The following ASTN1 variants were observed in gnomAD, a reference collection of about 807,000 sequenced individuals.
ASTN1 encodes astrotactin 1, also known as astrotactin-1.
A neutral mutation model predicts 140.7 loss-of-function variants in ASTN1; 41 were observed. The ratio of observed to expected loss-of-function variants is 0.29; its 90% CI spans 0.23 to 0.38. The LOEUF is 0.38. ASTN1 is among the 10% of genes least tolerant of loss of function. The pLI, the probability that ASTN1 is intolerant of heterozygous loss-of-function variation, is 1.00. For synonymous variants in ASTN1, 640 were observed against 652.2 expected (o/e 0.98, Z 0.29); for missense variants, 1,479 against 1,678.8 (o/e 0.88, Z 2.08).
chr1:177,043,415 C>T (rs962222459), intron 2 of ASTN1, among the ~76,000 whole-genome samples: 8 of 152,228 alleles, frequency 5.3e-5, no homozygotes, highest in South Asian at 2.1e-4. Context: ...AGAAAGCCCA[C>T]GGGCCATGTT....
chr1:176,931,594 G>C (rs1557968954), intron 16 of ASTN1, among the ~76,000 whole-genome samples: 1 of 152,236 alleles, frequency 6.6e-6, no homozygotes, highest in Non-Finnish European at 1.5e-5. Flanking sequence ...ATAAGTGCCT[G>C]TTAAATGGGA....
At chr1:177,009,919 T>C (rs937100820) in intron 8 of ASTN1, among the ~76,000 whole-genome samples, 3 of 152,204 alleles carry the variant, frequency 2.0e-5, no homozygotes, top group South Asian at 2.1e-4. Context: ...TTGCCCTCTG[T>C]ATCTGAGATG....
At position 177,023,459 on chromosome 1, in the gene ASTN1, G is replaced by T. The variant is rs138735448; in HGVS notation, c.1383C>A (p.Asp461Glu). 13 of 1,609,884 alleles carry T rather than the reference G, an allele frequency of 8.1e-6. No individual in the cohort carries two copies. Among genetic ancestry groups the T allele is most frequent in the Non-Finnish European group, 1.1e-5 (13 of 1,178,354 alleles). The change falls in exon 7 of 23, where the codon GAC (aspartate) becomes GAA (glutamate). Residue 461 changes from aspartate to glutamate, a missense_variant. Coordinates refer to ENST00000361833, the MANE Select transcript of ASTN1 (RefSeq NM_004319.3). ...QQNSSGPWAM[D>E]LCARRLLDPC... ...GGTCCAGGAGCCGCCGGGCACAGAGGTCCATGGCCCAGGGTCCGCTGGAGT... is the reference window on the plus strand; with the variant it reads ...GGTCCAGGAGCCGCCGGGCACAGAGTTCCATGGCCCAGGGTCCGCTGGAGT...
intron 3 of ASTN1, among the ~76,000 whole-genome samples, chr1:177,031,883 T>A (rs1365559530): frequency 6.6e-6 from 1 of 152,168 alleles, no homozygotes; most frequent in Non-Finnish European, 1.5e-5. Flanking sequence ...CCAGTCAGTG[T>A]CTCCATAGAT....
rs1008207314 is a variant in ASTN1, at chr1:177,038,526, G to T, written c.472-5677C>A. Among the ~76,000 whole-genome samples the T allele has an allele frequency of 1.3e-5, 2 of 152,050 alleles. 1 individual carries two copies. Among genetic ancestry groups the T allele is most frequent in the Non-Finnish European group, 2.9e-5 (2 of 67,980 alleles). Reference sequence around the variant, plus strand: ...GGAGGGAAGCAAAGAGGGAGGAAGAGAAGGAAGAAAAAAGGAAGAAAAGGA... The same window carrying T: ...GGAGGGAAGCAAAGAGGGAGGAAGATAAGGAAGAAAAAAGGAAGAAAAGGA... On this transcript the variant is annotated intron_variant, in intron 2 of 22. Transcript: ENST00000361833.
At chr1:177,023,007 T>C (rs1057361925) in intron 7 of ASTN1, among the ~76,000 whole-genome samples, 1 of 152,214 alleles carries the variant, frequency 6.6e-6, no homozygotes, top group Admixed American at 6.5e-5. Flanking sequence ...ATCCAGGAGA[T>C]AGAAATATTG....
intron 8 of ASTN1, among the ~76,000 whole-genome samples, chr1:177,013,332 C>G (rs760498876): frequency 5.9e-5 from 9 of 152,154 alleles, no homozygotes; most frequent in Non-Finnish European, 1.0e-4. Context: ...TTCTCTTGTC[C>G]TTATCCCCCA....
At chr1:176,881,608 C>G (rs570245202) in intron 20 of ASTN1, among the ~76,000 whole-genome samples, 28 of 146,510 alleles carry the variant, frequency 1.9e-4, no homozygotes, top group African/African-American at 4.9e-4. Flanking sequence ...CACAACTGCC[C>G]CCTATCAAAA....
intron 20 of ASTN1, among the ~76,000 whole-genome samples, chr1:176,879,035 T>C (rs1375173034): frequency 6.6e-6 from 1 of 152,192 alleles, no homozygotes; most frequent in Non-Finnish European, 1.5e-5. Context: ...GTTCTGGCTA[T>C]CAGTTCTCAT....
At chr1:177,088,239 C>T (rs1679572587) in intron 1 of ASTN1, among the ~76,000 whole-genome samples, 1 of 152,298 alleles carries the variant, frequency 6.6e-6, no homozygotes, top group South Asian at 2.1e-4. Flanking sequence ...CCACCTTACA[C>T]GTGGGGATGC....
chr1:176,896,973 C>T (rs1302005339), intron 16 of ASTN1, among the ~76,000 whole-genome samples: 1 of 152,140 alleles, frequency 6.6e-6, no homozygotes, highest in Non-Finnish European at 1.5e-5. Flanking sequence ...GCAAACTCTA[C>T]TTCATTAAGA....
Position 176,864,134 on chromosome 1 carries a change from A to G in ASTN1, c.*150T>C, listed in dbSNP as rs1387045969. On this transcript the variant is annotated 3_prime_UTR_variant, in exon 23 of 23. Transcript: ENST00000361833. The stretch of plus-strand genomic sequence containing the variant: ...GAACATCATACTGAAGAAGTTCTGC[A>G]GGGAGCAAGGATCACTTTCTCCCTG... 1 of 1,482,614 alleles carries G rather than the reference A, an allele frequency of 6.7e-7. No individual in the cohort carries two copies. Among genetic ancestry groups the G allele is most frequent in the Non-Finnish European group, 8.9e-7 (1 of 1,123,516 alleles). The allele number at this position is 1,482,614 out of a possible 1,614,324, so 91.8% of individuals were successfully genotyped here.
intron 21 of ASTN1, 39 bp from the exon 22 acceptor site, chr1:176,869,066 T>C (rs186972720): frequency 1.5e-6 from 2 of 1,367,346 alleles, no homozygotes; most frequent in African/African-American, 2.9e-5. Context: ...TATTTACATA[T>C]ATATAATAAT....
chr1:176,965,028 CTT>C, intron 9 of ASTN1, 133 bp downstream of exon 9: 1 of 803,968 alleles, frequency 1.2e-6, no homozygotes, highest in Non-Finnish European at 2.1e-6. Flanking sequence ...GGGGCAAACA[CTT>C]TTGTTAGCAG....
chr1:176,863,825 G>A lies in ASTN1; in HGVS notation c.*459C>T. 2 of 994,962 alleles carry A rather than the reference G, an allele frequency of 2.0e-6. No homozygotes were observed. The highest frequency in any genetic ancestry group is 5.2e-4 in the Middle Eastern group (1 of 1,928). The allele number at this position is 994,962 out of a possible 1,614,324, so 61.6% of individuals were successfully genotyped here. On this transcript the variant is annotated 3_prime_UTR_variant, in exon 23 of 23. Transcript: ENST00000361833. ...AGGCTCCCAGAGTGAGACGCTTCCT[G>A]AGGAATGCTTGAGGGTGGGGCCTGC...
intron 8 of ASTN1, among the ~76,000 whole-genome samples, chr1:177,006,451 T>C (rs566766136): frequency 7.4e-5 from 11 of 149,170 alleles, no homozygotes; most frequent in Admixed American, 6.0e-4. Flanking sequence ...CCAGGAAAAA[T>C]AATAGCACTC....
chr1:177,039,790 G>A (rs963136126), intron 2 of ASTN1, among the ~76,000 whole-genome samples: 1 of 152,112 alleles, frequency 6.6e-6, no homozygotes, highest in African/African-American at 2.4e-5. Context: ...TGTCAAACAG[G>A]AAATGGCTCT....
Position 176,905,435 on chromosome 1 carries a change from G to A in ASTN1, c.2672-10605C>T, listed in dbSNP as rs561347241. 5.3e-5 allele frequency among the ~76,000 whole-genome samples: 8 copies of A among 152,208 alleles called. No homozygotes were observed. In the East Asian group the frequency reaches 1.2e-3, roughly 22 times the overall value. On this transcript the variant is annotated intron_variant, in intron 16 of 22. Coordinates refer to ENST00000361833, the MANE Select transcript of ASTN1 (RefSeq NM_004319.3). The stretch of plus-strand genomic sequence containing the variant: ...ATTCAATAATAATACTACTCCAACC[G>A]GCAAGGGAATGTTGTAAGAGTCTCC...
intron 1 of ASTN1, among the ~76,000 whole-genome samples, chr1:177,106,032 A>C (rs1423126954): frequency 6.6e-6 from 1 of 152,152 alleles, no homozygotes; most frequent in Non-Finnish European, 1.5e-5. Context: ...AAAAACATGC[A>C]GTACAGAGAG....
Sources: allele counts gnomAD v4.1 joint callset (sites outside exome capture counted in the v4.1 genomes callset), GRCh38; gene constraint gnomAD v4.1.1; transcripts MANE v1.5; gene names NCBI Gene and HGNC (gene_info 2026-07-23, HGNC 2026-07-21).